The following CACNA1C variants were observed in gnomAD, a reference collection of about 807,000 sequenced individuals.
CACNA1C encodes the protein calcium voltage-gated channel subunit alpha1 C.
CACNA1C carries 30 observed loss-of-function variants against 229.0 expected under a neutral mutation model. The ratio of observed to expected loss-of-function variants is 0.13; its 90% CI spans 0.10 to 0.18. The LOEUF (loss-of-function observed/expected upper bound fraction) is 0.18. Among genes scored for constraint, CACNA1C ranks in the 10% least tolerant of loss-of-function variants. The probability of loss-of-function intolerance (pLI) is 1.00; values close to 1 mark genes in which losing one functional copy is unlikely to be tolerated. For synonymous variants in CACNA1C, 1,114 were observed against 1,132.5 expected, an observed-to-expected ratio of 0.98 and a Z score of 0.33; for missense variants, 1,658 against 2,845.0, an observed-to-expected ratio of 0.58 and a Z score of 9.49.
intron 3 of CACNA1C, among the ~76,000 whole-genome samples, chr12:2,404,549 C>T (rs1164485999): frequency 1.3e-5 from 2 of 152,090 alleles, no homozygotes; most frequent in South Asian, 2.1e-4. Context: ...AGGCAGGATT[C>T]GAGTTCCTCT....
rs1297160480 is a variant in CACNA1C, at chr12:2,403,589, T to A, written c.478-45387T>A. Among the ~76,000 whole-genome samples, 1 of 152,216 alleles carries A rather than the reference T, an allele frequency of 6.6e-6. No homozygotes were observed. Among genetic ancestry groups the A allele is most frequent in the Non-Finnish European group, 1.5e-5 (1 of 68,038 alleles). On this transcript the variant is annotated intron_variant, in intron 3 of 46. Coordinates refer to ENST00000399655, the MANE Select transcript of CACNA1C (RefSeq NM_000719.7). The surrounding 1 kb of genome is among the most constrained non-coding windows in gnomAD (Gnocchi z 4.1). Reference sequence around the variant, plus strand: ...ATTAAGTGACAGCTTTTACCACTCCTGGCAGCTGCTGCGAGACAAGATAAT... The same window carrying A: ...ATTAAGTGACAGCTTTTACCACTCCAGGCAGCTGCTGCGAGACAAGATAAT...
In CACNA1C at chr12:2,607,274, T is replaced by C. The variant is rs1369533460; in HGVS notation, c.3356+144T>C. On this transcript the variant is annotated intron_variant, in intron 26 of 46. Coordinates refer to ENST00000399655, the MANE Select transcript of CACNA1C (RefSeq NM_000719.7). ...GGTCCTCCCCAGGCAGTGAGGTGTA[T>C]TTCTAGAACTTACAGTCCACTGTCA... is the stretch of plus-strand genomic sequence containing the variant. 9.2e-6 allele frequency: 7 copies of C among 758,532 alleles called. No homozygotes were observed. The Admixed American group carries it at 2.1e-4, about 23-fold the overall frequency. 47.0% of individuals were successfully genotyped at this position (758,532 alleles called of 1,614,324 possible). A position where few individuals can be genotyped will look rare whatever the true frequency, so the allele number is the denominator to read the frequency against.
At chr12:2,451,003 T>C (rs1409645168) in intron 4 of CACNA1C, among the ~76,000 whole-genome samples, 2 of 152,174 alleles carry the variant, frequency 1.3e-5, no homozygotes, top group East Asian at 3.8e-4. Context: ...GGAACCACGT[T>C]AGGGTTTTTG....
intron 1 of CACNA1C, among the ~76,000 whole-genome samples, chr12:2,015,814 G>A (rs574420559): frequency 6.6e-6 from 1 of 152,214 alleles, no homozygotes; most frequent in Admixed American, 6.5e-5. Context: ...TACTTGGGCA[G>A]TTCACCTGTC....
In CACNA1C at chr12:2,550,618, C is replaced by T. The variant is rs571956846; in HGVS notation, c.1481+585C>T. The T allele has an allele frequency of 5.3e-5, 72 of 1,351,298 alleles. No individual in the cohort carries two copies. The Admixed American group carries it at 1.4e-3, about 26-fold the overall frequency. 83.7% of individuals were successfully genotyped at this position (1,351,298 alleles called of 1,614,324 possible). A position where few individuals can be genotyped will look rare whatever the true frequency, so the allele number is the denominator to read the frequency against. On this transcript the variant is annotated intron_variant, in intron 10 of 46. Transcript: ENST00000399655. Reference sequence around the variant, plus strand: ...GTCACGACTGTAAACTCACCCTGGCCTCTGGAAGAACTGCAAACAGAGGCT... The same window carrying T: ...GTCACGACTGTAAACTCACCCTGGCTTCTGGAAGAACTGCAAACAGAGGCT...
At chr12:2,190,569 C>T (rs1193752613) in intron 3 of CACNA1C, among the ~76,000 whole-genome samples, 4 of 152,096 alleles carry the variant, frequency 2.6e-5, no homozygotes, top group African/African-American at 7.2e-5. Flanking sequence ...GTGCAAAGGA[C>T]GTAGAAATGA....
chr12:2,292,227 G>C (rs758410612), intron 3 of CACNA1C, among the ~76,000 whole-genome samples: 6 of 152,232 alleles, frequency 3.9e-5, no homozygotes, highest in Admixed American at 6.5e-5. Context: ...TGCTAAATCT[G>C]TGTACAATAG....
intron 3 of CACNA1C, among the ~76,000 whole-genome samples, chr12:2,345,133 G>C (rs777452005): frequency 6.6e-6 from 1 of 151,278 alleles, no homozygotes; most frequent in Non-Finnish European, 1.5e-5. Context: ...AGGAAGCTGA[G>C]CAGGGTTAGA....
In CACNA1C at chr12:2,354,870, C is replaced by T. The variant is rs118026965; in HGVS notation, c.478-94106C>T. ...ACCATTTCAGAGCTGGTCGTTTCCC[C>T]GCAGCTTTAGATTCCATTTTGGTGA... On this transcript the variant is annotated intron_variant, in intron 3 of 46. Transcript: ENST00000399655. This position sits in a 1 kb window ranked among gnomAD's most constrained non-coding sequence, Gnocchi z 4.6. 2.0e-4 allele frequency among the ~76,000 whole-genome samples: 30 copies of T among 152,194 alleles called. No homozygotes were observed. The highest frequency in any genetic ancestry group is 3.4e-3 in the Middle Eastern group (1 of 294).
Position 2,671,380 on chromosome 12 carries a change from G to T in CACNA1C, c.4726+2345G>T, listed in dbSNP as rs190936203. Among the ~76,000 whole-genome samples, 4 of 152,264 alleles carry T rather than the reference G, an allele frequency of 2.6e-5. No individual in the cohort carries two copies. The East Asian group carries it at 7.7e-4, about 29-fold the overall frequency. ...AGAAAACTGGGAAGGAAATGTGTTCGTATGCTAACACTGATTATCATGAGT... is the reference window on the plus strand; with the variant it reads ...AGAAAACTGGGAAGGAAATGTGTTCTTATGCTAACACTGATTATCATGAGT... On this transcript the variant is annotated intron_variant, in intron 38 of 46. Transcript: ENST00000399655.
chr12:2,074,029 C>G (rs2062274701), intron 1 of CACNA1C, among the ~76,000 whole-genome samples: 1 of 152,140 alleles, frequency 6.6e-6, no homozygotes. Context: ...CACTGCAATT[C>G]TGGCCATTCC....
At chr12:2,510,389 G>A (rs528931184) in intron 8 of CACNA1C, among the ~76,000 whole-genome samples, 23 of 152,326 alleles carry the variant, frequency 1.5e-4, no homozygotes, top group Admixed American at 1.2e-3. Context: ...CCATGCTCCA[G>A]ATCTGACTAA....
chr12:2,675,741 C>G (rs914089882), intron 39 of CACNA1C, among the ~76,000 whole-genome samples: 4 of 152,188 alleles, frequency 2.6e-5, no homozygotes, highest in African/African-American at 9.7e-5. Context: ...CCAGAGACTC[C>G]TAAGCAGAAT....
At chr12:2,617,995 T>A (rs1405561011) in intron 29 of CACNA1C, among the ~76,000 whole-genome samples, 1 of 152,232 alleles carries the variant, frequency 6.6e-6, no homozygotes, top group Non-Finnish European at 1.5e-5. Context: ...GAAGATACTG[T>A]GGTCCCTCCT....
At chr12:2,558,563 C>T (rs927614752) in intron 11 of CACNA1C, among the ~76,000 whole-genome samples, 3 of 152,224 alleles carry the variant, frequency 2.0e-5, no homozygotes, top group African/African-American at 2.4e-5. Context: ...ATTGGCCTAC[C>T]GGTGTCCCAT....
chr12:1,998,781 G>T (rs1157812971), intron 1 of CACNA1C, among the ~76,000 whole-genome samples: 1 of 152,088 alleles, frequency 6.6e-6, no homozygotes, highest in Non-Finnish European at 1.5e-5. Context: ...GACTAACCAC[G>T]AACCAGACCT....
chr12:2,682,430 G>A, intron 42 of CACNA1C, 120 bp from the exon 43 acceptor site: 1 of 1,174,546 alleles, frequency 8.5e-7, no homozygotes, highest in Non-Finnish European at 1.2e-6. Flanking sequence ...ACGTGTGTGT[G>A]CTTGTGTTTG....
chr12:2,366,994 A>G (rs1285510195), intron 3 of CACNA1C, among the ~76,000 whole-genome samples: 1 of 152,158 alleles, frequency 6.6e-6, no homozygotes, highest in Non-Finnish European at 1.5e-5. Context: ...AGTCCGCCCC[A>G]TGATTCAGTA....
chr12:2,092,725 G>A (rs2071796804), intron 1 of CACNA1C, among the ~76,000 whole-genome samples: 1 of 152,126 alleles, frequency 6.6e-6, no homozygotes, highest in African/African-American at 2.4e-5. Flanking sequence ...TAGTATTAAT[G>A]CACCCTATTT....
Sources: allele counts gnomAD v4.1 joint callset (sites outside exome capture counted in the v4.1 genomes callset), GRCh38; gene constraint gnomAD v4.1.1; non-coding constraint Gnocchi (gnomAD v3.1); transcripts MANE v1.5; gene names NCBI Gene and HGNC (gene_info 2026-07-23, HGNC 2026-07-21).